The following WDFY4 variants were observed in gnomAD, a reference collection of about 807,000 sequenced individuals.
WDFY4 encodes the protein WD repeat- and FYVE domain-containing protein 4.
A neutral mutation model predicts 351.9 loss-of-function variants in WDFY4; 169 were observed. The observed-to-expected ratio is 0.48, with a 90% confidence interval of 0.42 to 0.55. The LOEUF (loss-of-function observed/expected upper bound fraction) is 0.55. Ranked by LOEUF, WDFY4 falls within the 20% of genes least tolerant of loss-of-function variation. WDFY4 has a pLI of 0.00. For missense variants in WDFY4, 3,803 were observed against 3,935.6 expected (o/e 0.97, Z 0.90); for synonymous variants, 1,622 against 1,574.6 (o/e 1.03, Z -0.71).
At position 48,775,767 on chromosome 10, in the gene WDFY4, G is replaced by A. The variant is rs1352881593; in HGVS notation, c.2824G>A (p.Asp942Asn). 6.4e-7 allele frequency: 1 copy of A among 1,551,696 alleles called. No individual in the cohort carries two copies. Among genetic ancestry groups the A allele is most frequent in the Non-Finnish European group, 8.7e-7 (1 of 1,146,996 alleles). The change falls in exon 15 of 62, where the codon GAT becomes AAT. Residue 942 changes from aspartate (D) to asparagine (N), a missense_variant. Asp to Asn is a conservative substitution (Grantham distance 23). Transcript: ENST00000325239. ...SSLSATTKIL[D>N]SSHTHRGNPG... ...TCTGTCGGCCACAACAAAAATCCTT[G>A]ATTCATCTCACACACACAGAGGCAA...
intron 12 of WDFY4, among the ~76,000 whole-genome samples, chr10:48,755,537 G>A (rs988102732): frequency 3.9e-5 from 6 of 152,128 alleles, no homozygotes; most frequent in Non-Finnish European, 7.4e-5. Context: ...CATGTGTGAA[G>A]TTTAGATTGA....
intron 47 of WDFY4, among the ~76,000 whole-genome samples, chr10:48,927,374 T>G (rs942107307): frequency 1.6e-4 from 25 of 152,050 alleles, no homozygotes; most frequent in African/African-American, 6.0e-4. Context: ...TTGTGGGTGG[T>G]GGGGGGAGGG....
chr10:48,950,103 G>T (rs931619469), intron 51 of WDFY4, among the ~76,000 whole-genome samples: 2 of 152,142 alleles, frequency 1.3e-5, no homozygotes, highest in Non-Finnish European at 2.9e-5. Context: ...GTGTCATTAA[G>T]TGCATACACA....
rs966455211 is a variant in WDFY4, at chr10:48,946,814, G to A, written c.7868-46G>A. 5.7e-6 allele frequency: 8 copies of A among 1,395,228 alleles called. No individual in the cohort carries two copies. The Admixed American group carries it at 9.9e-5, about 17-fold the overall frequency. 86.4% of individuals were successfully genotyped at this position (1,395,228 alleles called of 1,614,324 possible). A position where few individuals can be genotyped will look rare whatever the true frequency, so the allele number is the denominator to read the frequency against. On this transcript the variant is annotated intron_variant, in intron 50 of 61. Coordinates refer to ENST00000325239, the MANE Select transcript of WDFY4 (RefSeq NM_001394531.1). Reference sequence around the variant, plus strand: ...TGTAGCACACATATCTGCCACGTGTGAGTGCAGGTAAGGAAGCAGCCCTCA... The same window carrying A: ...TGTAGCACACATATCTGCCACGTGTAAGTGCAGGTAAGGAAGCAGCCCTCA...
At chr10:48,740,624 A>T (rs975804009) in intron 11 of WDFY4, among the ~76,000 whole-genome samples, 6 of 152,194 alleles carry the variant, frequency 3.9e-5, no homozygotes, top group Non-Finnish European at 8.8e-5. Context: ...CAAATGTCCA[A>T]CTTTCCTGGG....
At chr10:48,812,194 T>TG (rs2067475553) in intron 30 of WDFY4, among the ~76,000 whole-genome samples, 1 of 149,138 alleles carries the variant, frequency 6.7e-6, no homozygotes, top group Non-Finnish European at 1.5e-5. Context: ...TTTTTTGTTT[T>TG]TTTTGTTTTT....
intron 13 of WDFY4, among the ~76,000 whole-genome samples, chr10:48,771,923 G>A (rs2065877970): frequency 6.6e-6 from 1 of 152,204 alleles, no homozygotes; most frequent in Non-Finnish European, 1.5e-5. Context: ...GTGATGTGAA[G>A]AGACCAGACC....
At position 48,975,023 on chromosome 10, in the gene WDFY4, C is replaced by T. The variant is rs1365075659; in HGVS notation, c.9090C>T (p.Ile3030=). 2 of 1,551,774 alleles carry T rather than the reference C, an allele frequency of 1.3e-6. No homozygotes were observed. Among genetic ancestry groups the T allele is most frequent in the South Asian group, 2.4e-5 (2 of 84,064 alleles). The change falls in exon 58 of 62, where the codon ATC becomes ATT. Residue 3030 remains isoleucine, a synonymous_variant. Coordinates refer to ENST00000325239, the MANE Select transcript of WDFY4 (RefSeq NM_001394531.1). The part of the protein sequence containing the change: ...LPAHREGISA[I]TISDVSGTIV... ...CCCATCGGGAAGGCATCTCAGCCAT[C>T]ACCATCAGTGACGTCTCAGTAAGTC...
Position 48,974,982 on chromosome 10 carries a change from G to C in WDFY4, c.9049G>C (p.Val3017Leu). 6.4e-7 allele frequency: 1 copy of C among 1,551,618 alleles called. No individual in the cohort carries two copies. The highest frequency in any genetic ancestry group is 8.7e-7 in the Non-Finnish European group (1 of 1,146,986). Residue 3017 changes from valine to leucine, a missense_variant, in exon 58 of 62, where the codon GTG (valine) becomes CTG (leucine). By Grantham distance (32) the Val-to-Leu change is conservative. This residue lies in a region of WDFY4 where 3,054 missense variants were observed against 3,148.6 expected (regional missense o/e 0.97). Coordinates refer to ENST00000325239, the MANE Select transcript of WDFY4 (RefSeq NM_001394531.1). ...GTGGGATCTGGACCACCTCACCCAC[G>C]TGACCCGCCTGCCCGCCCATCGGGA... ...ILWDLDHLTHVTRLPAHREGI... is the reference protein window; with the variant it reads ...ILWDLDHLTHLTRLPAHREGI...
At chr10:48,803,000 A>G (rs2067135917) in intron 24 of WDFY4, among the ~76,000 whole-genome samples, 1 of 152,196 alleles carries the variant, frequency 6.6e-6, no homozygotes, top group African/African-American at 2.4e-5. Context: ...TGTGGGCCCA[A>G]GGCTGAGCAG....
intron 55 of WDFY4, chr10:48,967,165 T>A (rs559539932): frequency 1.3e-5 from 2 of 153,982 alleles, no homozygotes; most frequent in Admixed American, 1.3e-4. Context: ...GAACATGTGC[T>A]CTGGGGCAGA....
intron 2 of WDFY4, among the ~76,000 whole-genome samples, chr10:48,716,918 C>T (rs1481517846): frequency 2.6e-5 from 4 of 152,218 alleles, no homozygotes; most frequent in Admixed American, 2.6e-4. Flanking sequence ...GACTTTTTCT[C>T]TCCAGGGATT....
At chr10:48,879,492 T>C (rs776631005) in intron 43 of WDFY4, among the ~76,000 whole-genome samples, 39 of 152,370 alleles carry the variant, frequency 2.6e-4, no homozygotes, top group Non-Finnish European at 5.4e-4. Context: ...GGCAGTGCTT[T>C]ATATTCGCTT....
intron 51 of WDFY4, among the ~76,000 whole-genome samples, chr10:48,952,825 C>T (rs990592659): frequency 1.3e-5 from 2 of 152,184 alleles, no homozygotes; most frequent in Admixed American, 1.3e-4. Flanking sequence ...TGGACCAGTG[C>T]GTGGGCTTCC....
chr10:48,805,656 A>G (rs972440406), intron 26 of WDFY4, among the ~76,000 whole-genome samples: 7 of 152,102 alleles, frequency 4.6e-5, no homozygotes, highest in African/African-American at 1.4e-4. Flanking sequence ...AGGCTCCCCC[A>G]CTGTGGCCAA....
At chr10:48,963,076 G>T (rs528327112) in intron 53 of WDFY4, among the ~76,000 whole-genome samples, 13 of 152,198 alleles carry the variant, frequency 8.5e-5, no homozygotes, top group Non-Finnish European at 1.8e-4. Context: ...CCCCTGTGAG[G>T]TTCTGAGGAA....
intron 47 of WDFY4, among the ~76,000 whole-genome samples, chr10:48,911,709 A>G (rs1048084082): frequency 5.3e-5 from 8 of 152,262 alleles, no homozygotes; most frequent in African/African-American, 1.7e-4. Context: ...GAACTCTGCC[A>G]GCATTGCAGC....
chr10:48,803,109 G>T (rs1213736664), intron 24 of WDFY4, among the ~76,000 whole-genome samples, 177 bp from the exon 25 acceptor site: 1 of 152,162 alleles, frequency 6.6e-6, no homozygotes, highest in Non-Finnish European at 1.5e-5. Flanking sequence ...CTTCCTACAG[G>T]GGAGGCACCT....
chr10:48,941,285 A>T (rs994770348), intron 47 of WDFY4, among the ~76,000 whole-genome samples: 2 of 152,246 alleles, frequency 1.3e-5, no homozygotes, highest in Non-Finnish European at 2.9e-5. Context: ...TTAGAAACAA[A>T]CAACAAAAAA....
Sources: allele counts gnomAD v4.1 joint callset (sites outside exome capture counted in the v4.1 genomes callset), GRCh38; gene constraint gnomAD v4.1.1; regional missense constraint gnomAD v4.1.1; transcripts MANE v1.5; gene names NCBI Gene and HGNC (gene_info 2026-07-23, HGNC 2026-07-21).